DNM1: variants seen among roughly 807,000 people sequenced by gnomAD.
The protein encoded by DNM1 is dynamin-1.
A neutral mutation model predicts 104.6 loss-of-function variants in DNM1; 29 were observed. The ratio of observed to expected loss-of-function variants is 0.28; its 90% CI spans 0.21 to 0.38. The LOEUF (loss-of-function observed/expected upper bound fraction) is 0.38, where lower values mean the gene tolerates loss of function less well. DNM1 is among the 10% of genes least tolerant of loss of function. DNM1 has a pLI of 1.00. For missense variants in DNM1, 640 were observed against 1,189.4 expected, an observed-to-expected ratio of 0.54 and a Z score of 6.79; for synonymous variants, 445 against 475.8, an observed-to-expected ratio of 0.94 and a Z score of 0.84.
chr9:128,211,112 C>T (rs1051451796), intron 1 of DNM1, among the ~76,000 whole-genome samples: 2 of 152,238 alleles, frequency 1.3e-5, no homozygotes, highest in African/African-American at 2.4e-5. Context: ...GGTCCCCATG[C>T]CCTGTGGATT....
At chr9:128,221,851 G>C (rs909776746) in intron 6 of DNM1, among the ~76,000 whole-genome samples, 1 of 152,114 alleles carries the variant, frequency 6.6e-6, no homozygotes, top group Non-Finnish European at 1.5e-5. Context: ...AGTGAGCTGA[G>C]ATCACGCCAT....
At chr9:128,225,491 C>T (rs1043338277) in intron 10 of DNM1, among the ~76,000 whole-genome samples, 2 of 152,150 alleles carry the variant, frequency 1.3e-5, no homozygotes, top group African/African-American at 2.4e-5. Flanking sequence ...CAGCTGGATG[C>T]GGCAACCCTA....
intron 10 of DNM1, chr9:128,232,137 A>T (rs1835730725): frequency 2.3e-6 from 1 of 440,558 alleles, no homozygotes; most frequent in Non-Finnish European, 4.6e-6. Flanking sequence ...TAGTGGGAGA[A>T]TTGGTCATGC....
chr9:128,247,993 G>C lies in DNM1; in HGVS notation c.1905+58G>C, dbSNP rs1357140588. ...CATCTGCAGCCTGGCACCAGCTCCAGCCAGGTTTTCAAGCAAGGGACCTGG... is the reference window on the plus strand; with the variant it reads ...CATCTGCAGCCTGGCACCAGCTCCACCCAGGTTTTCAAGCAAGGGACCTGG... On this transcript the variant is annotated intron_variant, in intron 18 of 21. Transcript: ENST00000372923. This position sits in a 1 kb window ranked among gnomAD's most constrained non-coding sequence, Gnocchi z 5.1. The C allele has an allele frequency of 1.9e-6, 3 of 1,612,326 alleles. No individual in the cohort carries two copies. In the Admixed American group the frequency reaches 5.0e-5, roughly 27 times the overall value.
At chr9:128,242,142 TG>T in intron 14 of DNM1, 89 bp from the exon 15 acceptor site, 1 of 742,010 alleles carries the variant, frequency 1.3e-6, no homozygotes, top group Non-Finnish European at 2.4e-6. Context: ...GGGAGAGGGG[TG>T]GGGTTTCGAA....
In DNM1 at chr9:128,250,815, G is replaced by C. The variant is rs112104987; in HGVS notation, c.2409G>C (p.Pro803=). 7.5e-7 allele frequency: 1 copy of C among 1,329,214 alleles called. No individual in the cohort carries two copies. The highest frequency in any genetic ancestry group is 9.5e-7 in the Non-Finnish European group (1 of 1,050,430). 82.3% of individuals were successfully genotyped at this position (1,329,214 alleles called of 1,614,324 possible). The change falls in exon 21 of 22, where the codon CCG becomes CCC. Residue 803 remains proline, a synonymous_variant. Transcript: ENST00000372923. ...CGCGGGGCCCTGCTCCTGGGCCTCC[G>C]CCTGCTGGGTCCGCCCTGGGGGGGG... ...PGSRGPAPGP[P]PAGSALGGAP...
At position 128,234,106 on chromosome 9, in the gene DNM1, A is replaced by G; in HGVS notation, c.1421A>G (p.Gln474Arg). 1 of 1,549,032 alleles carries G rather than the reference A, an allele frequency of 6.5e-7. No individual in the cohort carries two copies. The highest frequency in any genetic ancestry group is 8.7e-7 in the Non-Finnish European group (1 of 1,146,158). The change falls in exon 11 of 22, where the codon CAG (glutamine) becomes CGG (arginine). Residue 474 changes from glutamine (Q) to arginine (R), a missense_variant and splice_region_variant. Physicochemically the swap from Gln to Arg is conservative, Grantham distance 43. Coordinates refer to ENST00000372923, the MANE Select transcript of DNM1 (RefSeq NM_004408.4). ...GAGCGCGAGGGCCGCACTAAGGAGC[A>G]GGTGAGCCCCGCAGCACCCGGCCTG... ...IREREGRTKE[Q>R]VMLLIDIELA...
chr9:128,235,327 C>T (rs982844941), intron 11 of DNM1, among the ~76,000 whole-genome samples: 2 of 152,010 alleles, frequency 1.3e-5, no homozygotes, highest in African/African-American at 4.8e-5. Context: ...AACCCCGTCT[C>T]TACTAAAAAT....
Position 128,247,271 on chromosome 9 carries a change from G to A in DNM1, c.1782-104G>A, listed in dbSNP as rs956670942. Reference sequence around the variant, plus strand: ...GCACAGGGTCACACAGCTGGGAAATGAGCTGGCCTCAGGCATGTTGACCCC... The same window carrying A: ...GCACAGGGTCACACAGCTGGGAAATAAGCTGGCCTCAGGCATGTTGACCCC... On this transcript the variant is annotated intron_variant, in intron 16 of 21. Transcript: ENST00000372923. This position sits in a 1 kb window ranked among gnomAD's most constrained non-coding sequence, Gnocchi z 5.1. 1.6e-5 allele frequency: 11 copies of A among 683,702 alleles called. No homozygotes were observed. The highest frequency in any genetic ancestry group is 2.8e-5 in the Non-Finnish European group (11 of 388,668). The allele number at this position is 683,702 out of a possible 1,614,324, so 42.4% of individuals were successfully genotyped here. A position where few individuals can be genotyped will look rare whatever the true frequency, so the allele number is the denominator to read the frequency against.
At chr9:128,214,616 GTGACAACT>G (rs1834496099) in intron 1 of DNM1, among the ~76,000 whole-genome samples, 1 of 152,202 alleles carries the variant, frequency 6.6e-6, no homozygotes, top group Non-Finnish European at 1.5e-5. Context: ...CCCTCTCACG[GTGACAACT>G]CCAGTTCAGA....
rs1248836899 is a variant in DNM1, at chr9:128,219,241, T to C, written c.578T>C (p.Val193Ala). ...NSDALKVAKE[V>A]DPQGQRTIGV... is the part of the protein sequence containing the mutation. ...GACGCCCTCAAGGTCGCCAAGGAGG[T>C]GGACCCCCAGGGTAGGTTCCCACCC... The change falls in exon 4 of 22, where the codon GTG becomes GCG. Residue 193 changes from valine to alanine, a missense_variant. Transcript: ENST00000372923. 4.3e-6 allele frequency: 7 copies of C among 1,613,916 alleles called. No individual in the cohort carries two copies. The Admixed American group carries it at 6.7e-5, about 15-fold the overall frequency.
chr9:128,225,939 C>T, intron 10 of DNM1: 1 of 1,132,194 alleles, frequency 8.8e-7, no homozygotes, highest in Non-Finnish European at 1.3e-6. Context: ...CCATCCTCTC[C>T]ACCCCTGGAT....
chr9:128,254,677 C>A lies in DNM1; in HGVS notation c.2558C>A (p.Ser853Tyr). The A allele has an allele frequency of 6.3e-7, 1 of 1,596,200 alleles. No individual in the cohort carries two copies. Among genetic ancestry groups the A allele is most frequent in the Non-Finnish European group, 8.5e-7 (1 of 1,179,698 alleles). Residue 853 changes from serine (S) to tyrosine (Y), a missense_variant, in exon 22 of 22, where the codon TCC becomes TAC. By Grantham distance (144) the Ser-to-Tyr change is moderately radical. This residue lies in a region of DNM1 where 37 missense variants were observed against 35.6 expected (regional missense o/e 1.04). Transcript: ENST00000372923. This position sits in a 1 kb window ranked among gnomAD's most constrained non-coding sequence, Gnocchi z 6.1. ...VPSRSGQASP[S>Y]RPESPRPPFD... The stretch of plus-strand genomic sequence containing the variant: ...AGCCGATCGGGTCAGGCAAGTCCAT[C>A]CCGTCCTGAGAGCCCCAGGCCCCCC...
chr9:128,248,836 A>G lies in DNM1; in HGVS notation c.2076+83A>G, dbSNP rs916004073. 9 of 1,488,968 alleles carry G rather than the reference A, an allele frequency of 6.0e-6. No individual in the cohort carries two copies. The East Asian group carries it at 6.8e-5, about 11-fold the overall frequency. 92.2% of individuals were successfully genotyped at this position (1,488,968 alleles called of 1,614,324 possible). A position where few individuals can be genotyped will look rare whatever the true frequency, so the allele number is the denominator to read the frequency against. ...CCATGTTGGCCTGGGGGAGATGCCAACCAGCCCTATGGGACCAGGTCCAGG... is the reference window on the plus strand; with the variant it reads ...CCATGTTGGCCTGGGGGAGATGCCAGCCAGCCCTATGGGACCAGGTCCAGG... On this transcript the variant is annotated intron_variant, in intron 19 of 21. Transcript: ENST00000372923. The surrounding 1 kb of genome is among the most constrained non-coding windows in gnomAD (Gnocchi z 5.6).
In DNM1 at chr9:128,247,868, C is replaced by T. The variant is rs919599315; in HGVS notation, c.1894-56C>T. ...CCCCTTTTCCTCTCTGTGTTTCCTT[C>T]GGCTGTGCTCCCTGGTGGTGGCGGC... On this transcript the variant is annotated intron_variant, in intron 17 of 21. Transcript: ENST00000372923. This position sits in a 1 kb window ranked among gnomAD's most constrained non-coding sequence, Gnocchi z 5.1. 57 of 1,603,886 alleles carry T rather than the reference C, an allele frequency of 3.6e-5. 1 individual carries two copies. The highest frequency in any genetic ancestry group is 4.1e-5 in the Non-Finnish European group (48 of 1,173,842).
intron 10 of DNM1, chr9:128,232,582 G>A (rs1835762279): frequency 6.5e-6 from 1 of 153,536 alleles, no homozygotes; most frequent in African/African-American, 2.4e-5. Context: ...ATCACCACCT[G>A]TGACTCAGGC....
At chr9:128,204,732 TC>T (rs1006113462) in intron 1 of DNM1, 2 of 151,828 alleles carry the variant, frequency 1.3e-5, no homozygotes, top group African/African-American at 2.4e-5. Context: ...GTCTTTCATC[TC>T]CCCCCCATCT....
At chr9:128,205,953 C>T (rs1322055962) in intron 1 of DNM1, among the ~76,000 whole-genome samples, 2 of 152,066 alleles carry the variant, frequency 1.3e-5, no homozygotes, top group Non-Finnish European at 2.9e-5. Flanking sequence ...TGCAGGGTGT[C>T]CAGATGCAGG....
intron 1 of DNM1, among the ~76,000 whole-genome samples, chr9:128,215,949 C>T (rs917041734): frequency 2.0e-5 from 3 of 151,076 alleles, no homozygotes; most frequent in Non-Finnish European, 3.0e-5. Flanking sequence ...CTGGGGGACT[C>T]CCAAAACTGG....
Sources: gnomAD v4.1 joint callset for allele counts (sites outside exome capture counted in the v4.1 genomes callset) on GRCh38, gnomAD v4.1.1 for gene constraint, gnomAD v4.1.1 regional missense constraint, Gnocchi (gnomAD v3.1) non-coding constraint, MANE v1.5 for transcripts, NCBI Gene and HGNC (gene_info 2026-07-23, HGNC 2026-07-21) for gene names.